Variants in ATP8A2 observed in about 807,000 individuals in gnomAD.
The protein encoded by ATP8A2 is phospholipid-transporting ATPase IB.
A neutral mutation model predicts 165.6 loss-of-function variants in ATP8A2; 100 were observed. The ratio of observed to expected loss-of-function variants is 0.60; its 90% CI spans 0.51 to 0.71. ATP8A2 has a LOEUF of 0.71. Ranked by LOEUF, ATP8A2 falls within the 30% of genes least tolerant of loss-of-function variation. The pLI is 0.00. For missense variants in ATP8A2, 1,227 were observed against 1,479.5 expected (o/e 0.83, Z 2.80); for synonymous variants, 543 against 548.8 (o/e 0.99, Z 0.15).
At chr13:25,891,007 T>C (rs1023780208) in intron 33 of ATP8A2, among the ~76,000 whole-genome samples, 6 of 152,152 alleles carry the variant, frequency 3.9e-5, no homozygotes, top group African/African-American at 1.2e-4. Flanking sequence ...GGACCACGAG[T>C]GCTCTGTCAA....
chr13:25,427,018 C>T (rs146880295), intron 1 of ATP8A2, among the ~76,000 whole-genome samples: 3 of 152,062 alleles, frequency 2.0e-5, no homozygotes, highest in East Asian at 1.9e-4. Flanking sequence ...AAAACACCAG[C>T]GCAAGATGTT....
chr13:25,682,611 G>C (rs778138798), intron 24 of ATP8A2, among the ~76,000 whole-genome samples: 16 of 152,180 alleles, frequency 1.1e-4, no homozygotes, highest in Non-Finnish European at 2.9e-5. Context: ...TATTTGCTGA[G>C]TTTCTGCAGG....
chr13:25,736,054 C>T (rs1165708263), intron 25 of ATP8A2, among the ~76,000 whole-genome samples: 1 of 152,208 alleles, frequency 6.6e-6, no homozygotes, highest in Non-Finnish European at 1.5e-5. Context: ...CATTGTGTTA[C>T]AATTGCCTAC....
chr13:25,891,236 T>TA (rs1953349679), intron 33 of ATP8A2, among the ~76,000 whole-genome samples: 1 of 152,220 alleles, frequency 6.6e-6, no homozygotes, highest in South Asian at 2.1e-4. Flanking sequence ...AGGGCAAAGT[T>TA]ACGCCACTCG....
intron 35 of ATP8A2, among the ~76,000 whole-genome samples, chr13:25,973,848 C>G (rs1014498341): frequency 6.6e-6 from 1 of 152,198 alleles, no homozygotes; most frequent in Non-Finnish European, 1.5e-5. Context: ...TTTCACAGTA[C>G]TGGCCGTTGG....
intron 24 of ATP8A2, among the ~76,000 whole-genome samples, chr13:25,618,828 A>G (rs532081945): frequency 1.4e-4 from 21 of 152,136 alleles, no homozygotes; most frequent in Middle Eastern, 3.4e-3. Context: ...GCTACATCCA[A>G]CATGCATTTC....
intron 24 of ATP8A2, among the ~76,000 whole-genome samples, chr13:25,674,439 T>A (rs2042332014): frequency 6.6e-6 from 1 of 152,204 alleles, no homozygotes; most frequent in South Asian, 2.1e-4. Context: ...ACCAGATCAT[T>A]AGGTCTCTGG....
At position 25,469,130 on chromosome 13, in the gene ATP8A2, A is replaced by C; in HGVS notation, c.221+9A>C. 6.2e-7 allele frequency: 1 copy of C among 1,613,356 alleles called. No homozygotes were observed. The highest frequency in any genetic ancestry group is 2.2e-5 in the East Asian group (1 of 44,822). On this transcript the variant is annotated intron_variant, in intron 2 of 36. Coordinates refer to ENST00000381655, the MANE Select transcript of ATP8A2 (RefSeq NM_016529.6). Reference sequence around the variant, plus strand: ...CGCGACAACCAGATCAGGTAGGAGAAGGCGGCCGGCTCGCGCGGAAGGCGG... The same window carrying C: ...CGCGACAACCAGATCAGGTAGGAGACGGCGGCCGGCTCGCGCGGAAGGCGG...
chr13:25,591,209 G>A (rs1310720881), intron 24 of ATP8A2: 1 of 453,822 alleles, frequency 2.2e-6, no homozygotes, highest in Non-Finnish European at 4.4e-6. Context: ...GTGGCATTAA[G>A]TATATTCATA....
chr13:25,770,219 A>G (rs932491713), intron 26 of ATP8A2, among the ~76,000 whole-genome samples: 5 of 152,156 alleles, frequency 3.3e-5, no homozygotes, highest in Admixed American at 1.3e-4. Flanking sequence ...CATTAGCCAC[A>G]GGATTTGAAA....
intron 33 of ATP8A2, among the ~76,000 whole-genome samples, chr13:25,951,720 T>C (rs1955368103): frequency 6.6e-6 from 1 of 152,196 alleles, no homozygotes; most frequent in Admixed American, 6.5e-5. Flanking sequence ...TACCATGTTA[T>C]TATGTTAATG....
chr13:25,389,721 A>ATCC (rs2033177702), intron 1 of ATP8A2, among the ~76,000 whole-genome samples: 1 of 152,220 alleles, frequency 6.6e-6, no homozygotes, highest in African/African-American at 2.4e-5. Flanking sequence ...AGTGACCTGG[A>ATCC]TTCATAGTTG....
chr13:25,953,557 T>A lies in ATP8A2; in HGVS notation c.3184-8018T>A, dbSNP rs1312470998. ...AAAAAAAAAAAAAAAGCAAGGGAAATAGGCAAGACGGCCAAATAGGAACAG... is the reference window on the plus strand; with the variant it reads ...AAAAAAAAAAAAAAAGCAAGGGAAAAAGGCAAGACGGCCAAATAGGAACAG... On this transcript the variant is annotated intron_variant, in intron 33 of 36. Transcript: ENST00000381655. This position sits in a 1 kb window ranked among gnomAD's most constrained non-coding sequence, Gnocchi z 6.7. 0.031 allele frequency among the ~76,000 whole-genome samples: 3,870 copies of A among 124,654 alleles called. 93 individuals carry two copies. Among genetic ancestry groups the A allele is most frequent in the African/African-American group, 0.057 (1,883 of 33,062 alleles). 81.8% of individuals were successfully genotyped at this position (124,654 alleles called of 152,430 possible).
intron 25 of ATP8A2, among the ~76,000 whole-genome samples, chr13:25,740,344 T>G (rs1354809930): frequency 1.3e-5 from 2 of 151,564 alleles, no homozygotes; most frequent in East Asian, 3.9e-4. Context: ...AAGACATGAT[T>G]ATTTTTGCAG....
At chr13:25,656,593 C>T (rs1264684018) in intron 24 of ATP8A2, among the ~76,000 whole-genome samples, 1 of 147,230 alleles carries the variant, frequency 6.8e-6, no homozygotes, top group Non-Finnish European at 1.5e-5. Flanking sequence ...TTTTTTAAAA[C>T]TTAAAAGTCC....
chr13:25,514,831 G>C (rs568751675), intron 2 of ATP8A2, among the ~76,000 whole-genome samples: 2 of 152,078 alleles, frequency 1.3e-5, no homozygotes, highest in African/African-American at 2.4e-5. Context: ...TTCCCCTCCT[G>C]TCCACAGGCT....
intron 1 of ATP8A2, among the ~76,000 whole-genome samples, chr13:25,418,390 C>T (rs774064647): frequency 1.1e-4 from 16 of 152,008 alleles, no homozygotes; most frequent in Middle Eastern, 3.2e-3. Context: ...CAGTGCCAGA[C>T]CTTCACTGAG....
At chr13:25,562,060 T>C (rs185935691) in intron 15 of ATP8A2, among the ~76,000 whole-genome samples, 30 of 152,354 alleles carry the variant, frequency 2.0e-4, no homozygotes, top group Admixed American at 7.2e-4. Flanking sequence ...TTGGCTACTG[T>C]GAATAACGCT....
At position 26,020,275 on chromosome 13, in the gene ATP8A2, A is replaced by G. The variant is rs183081750; in HGVS notation, c.*290A>G. ...CTCTGTGAGGTGTGAAATTAAAAAC[A>G]TTATGTTTCACCAATATTTAAACAT... is the stretch of plus-strand genomic sequence containing the variant. On this transcript the variant is annotated 3_prime_UTR_variant, in exon 37 of 37. Coordinates refer to ENST00000381655, the MANE Select transcript of ATP8A2 (RefSeq NM_016529.6). 1.1e-4 allele frequency: 43 copies of G among 393,948 alleles called. No individual in the cohort carries two copies. In the East Asian group the frequency reaches 1.7e-3, roughly 16 times the overall value. 24.4% of individuals were successfully genotyped at this position (393,948 alleles called of 1,614,324 possible).
Sources: allele counts gnomAD v4.1 joint callset (sites outside exome capture counted in the v4.1 genomes callset), GRCh38; gene constraint gnomAD v4.1.1; non-coding constraint Gnocchi (gnomAD v3.1); transcripts MANE v1.5; gene names NCBI Gene and HGNC (gene_info 2026-07-23, HGNC 2026-07-21).